The following PCDH10 variants were observed in gnomAD, a reference collection of about 807,000 sequenced individuals.
PCDH10 encodes the protein protocadherin-10.
Under a neutral mutation model 74.4 loss-of-function variants are expected in PCDH10, and 15 were observed. The observed-to-expected ratio is 0.20, with a 90% CI of 0.13 to 0.31. PCDH10 has a LOEUF of 0.31. PCDH10 is among the 10% of genes least tolerant of loss of function. PCDH10 has a pLI of 1.00. For synonymous variants in PCDH10, 619 were observed against 589.8 expected (o/e 1.05, Z -0.72); for missense variants, 1,260 against 1,390.2 (o/e 0.91, Z 1.49).
In PCDH10 at chr4:133,207,212, TTATTA is replaced by T. The variant is rs199838909; in HGVS notation, n.438-851_438-847del. ...ATTATTTATTCAATTGTTTCTAAGG[TTATTA>T]TATTATATTATAATATAAAACTCAA... On this transcript the variant is annotated intron_variant and non_coding_transcript_variant, in intron 2 of 2. Transcript: ENST00000511112. Among the ~76,000 whole-genome samples, 1,094 of 152,118 alleles carry T rather than the reference TTATTA, an allele frequency of 7.2e-3. 6 individuals are homozygous for T. The highest frequency in any genetic ancestry group is 0.01 in the Non-Finnish European group (696 of 67,988).
At chr4:133,175,593 C>T (rs772894384) in intron 4 of PCDH10, among the ~76,000 whole-genome samples, 2 of 151,936 alleles carry the variant, frequency 1.3e-5, no homozygotes, top group Admixed American at 6.6e-5. Flanking sequence ...CTTAAGAGAT[C>T]GCCATAGGAA....
At chr4:133,204,275 T>G (rs1318757694) in intron 2 of PCDH10, among the ~76,000 whole-genome samples, 2 of 152,152 alleles carry the variant, frequency 1.3e-5, no homozygotes, top group African/African-American at 4.8e-5. Flanking sequence ...TCTACAAACC[T>G]GACAACGTGT....
chr4:133,151,706 C>G lies in PCDH10; in HGVS notation c.1566C>G (p.Asn522Lys). 6.2e-7 allele frequency: 1 copy of G among 1,613,310 alleles called. No homozygotes were observed. Among genetic ancestry groups the G allele is most frequent in the Non-Finnish European group, 8.5e-7 (1 of 1,180,042 alleles). ...CCTACGTTTCTATCAACTCTGAGAA[C>G]GGCTACTTGTACGCCCTGCGCTCCT... ...VFTYVSINSE[N>K]GYLYALRSFD... The change falls in exon 1 of 5, where the codon AAC (asparagine) becomes AAG (lysine). Residue 522 changes from asparagine (N) to lysine (K), a missense_variant. Asn to Lys is a moderately conservative substitution (Grantham distance 94, BLOSUM62 0). Around this residue, in one of 11 missense-constraint regions of PCDH10, gnomAD observed 587 missense variants for 616.9 expected, o/e 0.95. Transcript: ENST00000264360.
chr4:133,189,697 A>C (rs1206770024), intron 4 of PCDH10, among the ~76,000 whole-genome samples: 1 of 152,174 alleles, frequency 6.6e-6, no homozygotes, highest in African/African-American at 2.4e-5. Flanking sequence ...AGTTTTCCAT[A>C]ATAAATATTG....
intron 4 of PCDH10, among the ~76,000 whole-genome samples, chr4:133,166,965 A>C (rs1040137270): frequency 6.6e-6 from 1 of 151,500 alleles, no homozygotes; most frequent in Non-Finnish European, 1.5e-5. Flanking sequence ...AGCTTTCTAG[A>C]GTCTAAAGGG....
Position 133,152,155 on chromosome 4 carries a change from C to G in PCDH10, c.2015C>G (p.Ala672Gly), listed in dbSNP as rs778830031. 2 of 1,566,158 alleles carry G rather than the reference C, an allele frequency of 1.3e-6. No individual in the cohort carries two copies. Among genetic ancestry groups the G allele is most frequent in the South Asian group, 1.2e-5 (1 of 82,494 alleles). ...DHGQPPLSST[A>G]TLVVQLVDGA... ...GGGCAGCCGCCCCTTTCCTCCACCGCCACCCTGGTGGTTCAGCTGGTGGAT... is the reference window on the plus strand; with the variant it reads ...GGGCAGCCGCCCCTTTCCTCCACCGGCACCCTGGTGGTTCAGCTGGTGGAT... Residue 672 changes from alanine (A) to glycine (G), a missense_variant, in exon 1 of 5, where the codon GCC becomes GGC. Ala to Gly is a moderately conservative substitution (Grantham distance 60). Around this residue, in one of 11 missense-constraint regions of PCDH10, gnomAD observed 587 missense variants for 616.9 expected, o/e 0.95. Transcript: ENST00000264360.
At position 133,190,223 on chromosome 4, in the gene PCDH10, A is replaced by C; in HGVS notation, c.*63A>C. ...CACAAAGTCGACCAACAAAAGCATC[A>C]ACTTTTCAACTTCATTATCTTGGCC... On this transcript the variant is annotated 3_prime_UTR_variant, in exon 5 of 5. Transcript: ENST00000264360. The C allele has an allele frequency of 7.1e-7, 1 of 1,407,504 alleles. No homozygotes were observed. Among genetic ancestry groups the C allele is most frequent in the South Asian group, 1.2e-5 (1 of 86,808 alleles). The allele number at this position is 1,407,504 out of a possible 1,614,324, so 87.2% of individuals were successfully genotyped here. A position where few individuals can be genotyped will look rare whatever the true frequency, so the allele number is the denominator to read the frequency against.
downstream of PCDH10, among the ~76,000 whole-genome samples, chr4:133,195,091 A>G (rs1309992665): frequency 6.6e-5 from 10 of 152,118 alleles, no homozygotes; most frequent in African/African-American, 1.9e-4. Context: ...TAAAATCCGT[A>G]TGGGTATCAT....
intron 2 of PCDH10, among the ~76,000 whole-genome samples, chr4:133,199,885 C>G (rs1727868635): frequency 1.3e-5 from 2 of 150,778 alleles, no homozygotes; most frequent in South Asian, 4.2e-4. Flanking sequence ...GCAAGTTCCG[C>G]CTCCCGAGTT....
Position 133,152,197 on chromosome 4 carries a change from A to AGGGCGG in PCDH10, c.2065_2070dup (p.Gly689_Gly690dup), listed in dbSNP as rs1373459872. On this transcript the variant is annotated inframe_insertion, in exon 1 of 5. Transcript: ENST00000264360. ...CTGGTGGATGGCGCCGTGGAGCCCCAGGGCGGGGGCGGGAGCGGAGGCGGA... is the reference window on the plus strand; with the variant it reads ...CTGGTGGATGGCGCCGTGGAGCCCCAGGGCGGGGGCGGGGGCGGGAGCGGAGGCGGA... 9.5e-6 allele frequency: 15 copies of AGGGCGG among 1,579,986 alleles called. No homozygotes were observed. The highest frequency in any genetic ancestry group is 1.8e-5 in the Admixed American group (1 of 56,658).
intron 4 of PCDH10, among the ~76,000 whole-genome samples, chr4:133,169,424 G>A (rs957886079): frequency 1.3e-5 from 2 of 151,722 alleles, no homozygotes; most frequent in Non-Finnish European, 3.0e-5. Context: ...TCTTTAGTAT[G>A]ACTCTTCAAC....
Position 133,190,224 on chromosome 4 carries a change from A to G in PCDH10, c.*64A>G, listed in dbSNP as rs1364587032. ...ACAAAGTCGACCAACAAAAGCATCA[A>G]CTTTTCAACTTCATTATCTTGGCCA... On this transcript the variant is annotated 3_prime_UTR_variant, in exon 5 of 5. Transcript: ENST00000264360. 5.0e-6 allele frequency: 7 copies of G among 1,412,798 alleles called. No individual in the cohort carries two copies. In the African/African-American group the frequency reaches 7.1e-5, roughly 14 times the overall value. The allele number at this position is 1,412,798 out of a possible 1,614,324, so 87.5% of individuals were successfully genotyped here. A position where few individuals can be genotyped will look rare whatever the true frequency, so the allele number is the denominator to read the frequency against.
chr4:133,166,005 A>G (rs574396410), intron 4 of PCDH10, among the ~76,000 whole-genome samples: 220 of 151,882 alleles, frequency 1.4e-3, no homozygotes, highest in Middle Eastern at 6.8e-3. Flanking sequence ...AAGAGTATAC[A>G]TGATGTATTT....
intron 2 of PCDH10, among the ~76,000 whole-genome samples, chr4:133,203,344 T>C (rs933045974): frequency 3.3e-5 from 5 of 152,180 alleles, no homozygotes; most frequent in South Asian, 2.1e-4. Flanking sequence ...CTCTATACTC[T>C]GCTCATAGTT....
rs768279401 is a variant in PCDH10, at chr4:133,152,245, C to G, written c.2105C>G (p.Pro702Arg). 1 of 1,610,878 alleles carries G rather than the reference C, an allele frequency of 6.2e-7. No individual in the cohort carries two copies. The highest frequency in any genetic ancestry group is 2.2e-5 in the East Asian group (1 of 44,824). Residue 702 changes from proline (P) to arginine (R), a missense_variant, in exon 1 of 5, where the codon CCC becomes CGC. Pro to Arg is a moderately radical substitution (Grantham distance 103). This residue lies in a region of PCDH10 where 587 missense variants were observed against 616.9 expected (regional missense o/e 0.95). Transcript: ENST00000264360. ...GGAGGGTCAGGAGAGCACCAGCGCC[C>G]CAGTCGCTCTGGCGGCGGGGAAACC... ...GGGGSGEHQRPSRSGGGETSL... is the reference protein window; with the variant it reads ...GGGGSGEHQRRSRSGGGETSL...
chr4:133,200,739 C>A (rs1281779284), intron 2 of PCDH10, among the ~76,000 whole-genome samples: 19 of 152,274 alleles, frequency 1.2e-4, no homozygotes, highest in Admixed American at 1.2e-3. Context: ...TAACAATAAA[C>A]TTAACAACCC....
chr4:133,151,151 C>G lies in PCDH10; in HGVS notation c.1011C>G (p.Ala337=), dbSNP rs747562065. 5.0e-6 allele frequency: 8 copies of G among 1,614,128 alleles called. No individual in the cohort carries two copies. Among genetic ancestry groups the G allele is most frequent in the Non-Finnish European group, 3.4e-6 (4 of 1,180,016 alleles). Residue 337 remains alanine, a synonymous_variant, in exon 1 of 5, where the codon GCC becomes GCG. Transcript: ENST00000264360. ...YVQAKDLGPN[A]VPAHCKVLVR... ...AAGCCAAGGACCTGGGCCCCAACGC[C>G]GTGCCTGCGCACTGCAAGGTGCTAG...
At chr4:133,173,337 C>A (rs1306497966) in intron 4 of PCDH10, among the ~76,000 whole-genome samples, 1 of 151,908 alleles carries the variant, frequency 6.6e-6, no homozygotes, top group African/African-American at 2.4e-5. Context: ...ATCAGTTAAT[C>A]TGTCTTTATG....
rs918120081 is a variant in PCDH10 at position 133,151,389 on chromosome 4, A to G, written c.1249A>G (p.Thr417Ala). Residue 417 changes from threonine (T) to alanine (A), a missense_variant, in exon 1 of 5, where the codon ACC (threonine) becomes GCC (alanine). Around this residue, in one of 11 missense-constraint regions of PCDH10, gnomAD observed 112 missense variants for 123.6 expected, o/e 0.91. Coordinates refer to ENST00000264360, the MANE Select transcript of PCDH10 (RefSeq NM_032961.3). Reference protein sequence around the residue: ...SSFKNYYTIVTEAPLDREAGD... With the variant: ...SSFKNYYTIVAEAPLDREAGD... ...CTTTAAGAATTACTACACCATCGTT[A>G]CCGAAGCCCCCCTGGACCGAGAGGC... is the stretch of plus-strand genomic sequence containing the variant. 3.7e-6 allele frequency: 6 copies of G among 1,614,048 alleles called. No homozygotes were observed. Among genetic ancestry groups the G allele is most frequent in the Non-Finnish European group, 5.1e-6 (6 of 1,180,000 alleles).
Sources: gnomAD v4.1 joint callset for allele counts (sites outside exome capture counted in the v4.1 genomes callset) on GRCh38, gnomAD v4.1.1 for gene constraint, gnomAD v4.1.1 regional missense constraint, MANE v1.5 for transcripts, NCBI Gene and HGNC (gene_info 2026-07-23, HGNC 2026-07-21) for gene names.